Variants in UBN1 observed in about 807,000 individuals in gnomAD.
The protein encoded by UBN1 is ubinuclein 1.
In UBN1, 17 loss-of-function variants were observed where a neutral mutation model predicts 108.5. That is an observed-to-expected ratio of 0.16 (90% CI 0.11 to 0.24). The LOEUF (loss-of-function observed/expected upper bound fraction) is 0.24, where lower values mean the gene tolerates loss of function less well. Among genes scored for constraint, UBN1 ranks in the 10% least tolerant of loss-of-function variants. The pLI, the probability that UBN1 is intolerant of heterozygous loss-of-function variation, is 1.00. For missense variants in UBN1, 1,595 were observed against 1,394.4 expected (o/e 1.14, Z -2.29); for synonymous variants, 726 against 564.2 (o/e 1.29, Z -4.07).
In UBN1 at chr16:4,873,033, C is replaced by T; in HGVS notation, c.1760C>T (p.Ala587Val). The T allele has an allele frequency of 6.2e-7, 1 of 1,614,130 alleles. No individual in the cohort carries two copies. Among genetic ancestry groups the T allele is most frequent in the South Asian group, 1.1e-5 (1 of 91,080 alleles). The stretch of plus-strand genomic sequence containing the variant: ...TCTGTGCTCATTCCTTTGAACAGGG[C>T]CAAGAAGAAAGTTATGGCCCCTTCT... ...RGHGHLTSIL[A>V]KKKVMAPSKI... Residue 587 changes from alanine to valine, a missense_variant and splice_region_variant, in exon 14 of 18, where the codon GCC becomes GTC. Ala to Val is a moderately conservative substitution (Grantham distance 64, BLOSUM62 0). Transcript: ENST00000262376.
In UBN1 at chr16:4,860,831, G is replaced by A. The variant is rs138454002; in HGVS notation, c.839G>A (p.Arg280Gln). The part of the protein sequence containing the change: ...AVPSAEAQGL[R>Q]ELEGASDPLL... ...CCATCAGCGGAAGCTCAGGGCCTGC[G>A]GGAACTGGAGGGTGCCTCTGACCCC... is the stretch of plus-strand genomic sequence containing the variant. The change falls in exon 7 of 18, where the codon CGG becomes CAG. Residue 280 changes from arginine (R) to glutamine (Q), a missense_variant. Arg to Gln is a conservative substitution (Grantham distance 43). Coordinates refer to ENST00000262376, the MANE Select transcript of UBN1 (RefSeq NM_001079514.3). The A allele has an allele frequency of 2.1e-5, 34 of 1,614,166 alleles. No homozygotes were observed. The highest frequency in any genetic ancestry group is 4.0e-5 in the African/African-American group (3 of 74,956).
rs1053268554 is a variant in UBN1 at position 4,872,189 on chromosome 16, C to G, written c.1707-695C>G. The G allele has an allele frequency of 5.1e-6, 5 of 985,192 alleles. No homozygotes were observed. The African/African-American group carries it at 8.7e-5, about 17-fold the overall frequency. 61.0% of individuals were successfully genotyped at this position (985,192 alleles called of 1,614,324 possible). On this transcript the variant is annotated intron_variant, in intron 12 of 17. Transcript: ENST00000262376. ...GAAATTGCTGTCCTCTCTACGTAGG[C>G]TGGACTCATACGAAGAACGTTTTTG... is the stretch of plus-strand genomic sequence containing the variant.
At chr16:4,871,367 C>G (rs77346977) in intron 12 of UBN1, 66 bp downstream of exon 12, 10 of 1,559,086 alleles carry the variant, frequency 6.4e-6, no homozygotes, top group Non-Finnish European at 8.7e-6. Context: ...GCTTTTGTGC[C>G]AGGCCAACAG....
Position 4,877,318 on chromosome 16 carries a change from G to C in UBN1, c.3266-67G>C. On this transcript the variant is annotated intron_variant, in intron 16 of 17. Coordinates refer to ENST00000262376, the MANE Select transcript of UBN1 (RefSeq NM_001079514.3). The surrounding 1 kb of genome is among the most constrained non-coding windows in gnomAD (Gnocchi z 4.3). ...TTATCGGGGGCTTTTGGCTGCTGGA[G>C]CTGCTTTCCTGTTCCTGTCTTCAAT... 1 of 1,559,310 alleles carries C rather than the reference G, an allele frequency of 6.4e-7. No homozygotes were observed. The highest frequency in any genetic ancestry group is 1.8e-5 in the Admixed American group (1 of 55,450).
chr16:4,869,971 T>G (rs539916410), intron 8 of UBN1, among the ~76,000 whole-genome samples: 1 of 152,360 alleles, frequency 6.6e-6, no homozygotes, highest in East Asian at 1.9e-4. Flanking sequence ...TCTGTTTTCC[T>G]GGTATTGTGA....
chr16:4,867,084 T>C (rs1332091776), intron 7 of UBN1, among the ~76,000 whole-genome samples: 1 of 152,108 alleles, frequency 6.6e-6, no homozygotes, highest in Admixed American at 6.5e-5. Context: ...CTGGGCCAGA[T>C]CGTGGAGGAC....
intron 2 of UBN1, among the ~76,000 whole-genome samples, chr16:4,856,281 T>C (rs1184417983): frequency 1.3e-5 from 2 of 152,188 alleles, no homozygotes; most frequent in African/African-American, 4.8e-5. Flanking sequence ...ACAGAGAATT[T>C]TGATCCAATT....
At chr16:4,857,201 T>C (rs1364053155) in intron 2 of UBN1, among the ~76,000 whole-genome samples, 1 of 151,456 alleles carries the variant, frequency 6.6e-6, no homozygotes, top group African/African-American at 2.4e-5. Context: ...AAAAAAAAAT[T>C]TAGCTAGGCA....
Position 4,853,166 on chromosome 16 carries a change from G to T in UBN1, c.249G>T (p.Lys83Asn). ...TAAAAGGCCTTCAGCCTGGAGATAA[G>T]GTACACCCCTTTGTTCCCAGAGGCG... ...GKVKGLQPGDKKKDLSDPFND... is the reference protein window; with the variant it reads ...GKVKGLQPGDNKKDLSDPFND... The change falls in exon 2 of 18, where the codon AAG becomes AAT. Residue 83 changes from lysine (K) to asparagine (N), a missense_variant and splice_region_variant. By Grantham distance (94) the Lys-to-Asn change is moderately conservative. This residue lies in a region of UBN1 where 181 missense variants were observed against 157.3 expected (regional missense o/e 1.15). Transcript: ENST00000262376. 1.2e-6 allele frequency: 2 copies of T among 1,614,014 alleles called. No individual in the cohort carries two copies. The highest frequency in any genetic ancestry group is 1.1e-5 in the South Asian group (1 of 91,066).
At position 4,870,865 on chromosome 16, in the gene UBN1, C is replaced by G; in HGVS notation, c.1452C>G (p.Asp484Glu). Residue 484 changes from aspartate (D) to glutamate (E), a missense_variant, in exon 11 of 18, where the codon GAC (aspartate) becomes GAG (glutamate). Asp to Glu is a conservative substitution (Grantham distance 45, BLOSUM62 2). This residue lies in a region of UBN1 where 1,398 missense variants were observed against 1,194.7 expected (regional missense o/e 1.17). Transcript: ENST00000262376. ...KVAKMLEEEK[D>E]KEQRDRICSD... ...GTAGGATGCTGGAAGAGGAGAAAGA[C>G]AAGGAGCAGAGGGACCGGATTTGTT... 1.2e-6 allele frequency: 2 copies of G among 1,613,898 alleles called. No homozygotes were observed. The highest frequency in any genetic ancestry group is 1.7e-6 in the Non-Finnish European group (2 of 1,179,950).
intron 7 of UBN1, among the ~76,000 whole-genome samples, chr16:4,862,404 G>A (rs1300409640): frequency 6.6e-6 from 1 of 152,204 alleles, no homozygotes; most frequent in African/African-American, 2.4e-5. Flanking sequence ...TGAATGTAAT[G>A]ATTTAAGTGA....
Position 4,860,765 on chromosome 16 carries a change from C to G in UBN1, c.773C>G (p.Ala258Gly). The G allele has an allele frequency of 6.2e-7, 1 of 1,614,198 alleles. No individual in the cohort carries two copies. Among genetic ancestry groups the G allele is most frequent in the Non-Finnish European group, 8.5e-7 (1 of 1,180,028 alleles). ...MLKKFQKEKE[A>G]QKKREEEHKP... ...AAGAAATTTCAGAAAGAGAAAGAGG[C>G]TCAGAAAAAAAGGGAGGAGGAGCAT... Residue 258 changes from alanine to glycine, a missense_variant, in exon 7 of 18, where the codon GCT (alanine) becomes GGT (glycine). Coordinates refer to ENST00000262376, the MANE Select transcript of UBN1 (RefSeq NM_001079514.3).
Position 4,875,147 on chromosome 16 carries a change from G to T in UBN1, c.2737G>T (p.Val913Phe), listed in dbSNP as rs773281222. ...PFASSISKHGVSSGSSSSGGT... is the reference protein window; with the variant it reads ...PFASSISKHGFSSGSSSSGGT... The stretch of plus-strand genomic sequence containing the variant: ...TGCCAGCTCAATCTCCAAACATGGG[G>T]TTTCTTCTGGCAGCTCTTCCTCGGG... The change falls in exon 15 of 18, where the codon GTT becomes TTT. Residue 913 changes from valine to phenylalanine, a missense_variant. This residue lies in a region of UBN1 where 1,398 missense variants were observed against 1,194.7 expected (regional missense o/e 1.17). Coordinates refer to ENST00000262376, the MANE Select transcript of UBN1 (RefSeq NM_001079514.3). 2 of 1,614,242 alleles carry T rather than the reference G, an allele frequency of 1.2e-6. No individual in the cohort carries two copies. Among genetic ancestry groups the T allele is most frequent in the South Asian group, 2.2e-5 (2 of 91,092 alleles).
At chr16:4,858,790 C>G (rs374102847) in intron 4 of UBN1, 127 bp downstream of exon 4, 3 of 988,848 alleles carry the variant, frequency 3.0e-6, no homozygotes, top group East Asian at 2.4e-5. Context: ...AGTAGCAGCA[C>G]TGATGAGAGA....
chr16:4,848,788 T>C (rs2086355003), intron 1 of UBN1, among the ~76,000 whole-genome samples: 1 of 152,236 alleles, frequency 6.6e-6, no homozygotes, highest in Admixed American at 6.5e-5. Flanking sequence ...TTGAATGAGA[T>C]TTTAATAACT....
rs570720214 is a variant in UBN1 at position 4,854,513 on chromosome 16, T to TC, written c.249+1347_249+1348insC. Among the ~76,000 whole-genome samples, 41 of 143,348 alleles carry TC rather than the reference T, an allele frequency of 2.9e-4. No homozygotes were observed. The South Asian group carries it at 8.8e-3, about 31-fold the overall frequency. The allele number at this position is 143,348 out of a possible 152,430, so 94.0% of individuals were successfully genotyped here. On this transcript the variant is annotated intron_variant, in intron 2 of 17. Transcript: ENST00000262376. ...TGCCAGCCACCACGCCTGGCTAATTTTTTTTTTTTTTTTTTGTATTTTTAG... is the reference window on the plus strand; with the variant it reads ...TGCCAGCCACCACGCCTGGCTAATTTCTTTTTTTTTTTTTTTGTATTTTTAG...
chr16:4,878,555 C>T (rs2087984309), intron 17 of UBN1, among the ~76,000 whole-genome samples: 1 of 152,178 alleles, frequency 6.6e-6, no homozygotes, highest in Non-Finnish European at 1.5e-5. Flanking sequence ...GGGGCTAAGC[C>T]TATAGCACTA....
chr16:4,853,213 G>A, intron 2 of UBN1, 47 bp downstream of exon 2: 1 of 1,604,072 alleles, frequency 6.2e-7, no homozygotes, highest in Non-Finnish European at 8.5e-7. Context: ...ACGCACAGGG[G>A]TCAGTGCATG....
intron 2 of UBN1, among the ~76,000 whole-genome samples, chr16:4,854,977 C>T (rs1478511478): frequency 6.6e-6 from 1 of 152,184 alleles, no homozygotes; most frequent in East Asian, 1.9e-4. Flanking sequence ...CCGTCTCTGC[C>T]TCCCAAAGTG....
Sources: allele counts gnomAD v4.1 joint callset (sites outside exome capture counted in the v4.1 genomes callset), GRCh38; gene constraint gnomAD v4.1.1; regional missense constraint gnomAD v4.1.1; non-coding constraint Gnocchi (gnomAD v3.1); transcripts MANE v1.5; gene names NCBI Gene and HGNC (gene_info 2026-07-23, HGNC 2026-07-21).